BNIP5: variants seen among roughly 807,000 people sequenced by gnomAD.
The protein encoded by BNIP5 is protein BNIP5.
Under a neutral mutation model 67.3 loss-of-function variants are expected in BNIP5, and 61 were observed. The ratio of observed to expected loss-of-function variants is 0.91; its 90% CI spans 0.74 to 1.12. BNIP5 has a LOEUF of 1.12. Among genes scored for constraint, BNIP5 ranks in the 50% most tolerant of loss-of-function variants. The pLI is 0.00. For synonymous variants in BNIP5, 317 were observed against 319.0 expected, an observed-to-expected ratio of 0.99 and a Z score of 0.07; for missense variants, 826 against 816.3, an observed-to-expected ratio of 1.01 and a Z score of -0.14.
chr6:36,324,938 G>C (rs976437396), intron 6 of BNIP5, among the ~76,000 whole-genome samples: 10 of 152,034 alleles, frequency 6.6e-5, no homozygotes, highest in Admixed American at 2.6e-4. Context: ...GAAGTAACTT[G>C]CCCAAGTCCA....
At chr6:36,330,756 G>GTTTGT in intron 1 of BNIP5, 62 bp from the exon 2 acceptor site, 1 of 1,500,772 alleles carries the variant, frequency 6.7e-7, no homozygotes, top group Non-Finnish European at 8.8e-7. Flanking sequence ...TTGTTTGTTT[G>GTTTGT]TTTGTTTTGT....
intron 6 of BNIP5, among the ~76,000 whole-genome samples, chr6:36,324,404 C>T (rs1429202216): frequency 6.6e-6 from 1 of 150,708 alleles, no homozygotes; most frequent in African/African-American, 2.4e-5. Context: ...GGAGGCCCCT[C>T]AGGGCCATCT....
At chr6:36,318,679 C>T (rs939354783) in intron 11 of BNIP5, among the ~76,000 whole-genome samples, 3 of 152,084 alleles carry the variant, frequency 2.0e-5, no homozygotes, top group African/African-American at 7.2e-5. Context: ...ACCGTGATTA[C>T]ACCACTGCAC....
intron 5 of BNIP5, 92 bp downstream of exon 5, chr6:36,326,418 C>A: frequency 1.3e-6 from 2 of 1,516,298 alleles, no homozygotes; most frequent in Admixed American, 2.0e-5. Context: ...AGGCACAACG[C>A]AACCTTTAAA....
In BNIP5 at chr6:36,321,223, AG is replaced by A. The variant is rs1478990192; in HGVS notation, c.1604-5del. 1 of 1,589,736 alleles carries A rather than the reference AG, an allele frequency of 6.3e-7. No homozygotes were observed. Among genetic ancestry groups the A allele is most frequent in the South Asian group, 1.1e-5 (1 of 87,198 alleles). On this transcript the variant is annotated splice_region_variant and splice_polypyrimidine_tract_variant and intron_variant, in intron 9 of 11. Transcript: ENST00000437635. ...AGCTTCTGGATGATGATCTCCTCTA[AG>A]GAAAAGAAAGGAGGATTGAGTGACT... is the stretch of plus-strand genomic sequence containing the variant.
At chr6:36,322,255 A>T (rs1226005111) in intron 9 of BNIP5, 56 bp downstream of exon 9, 24 of 1,607,706 alleles carry the variant, frequency 1.5e-5, no homozygotes, top group Non-Finnish European at 2.0e-5. Flanking sequence ...TGTGAACTCC[A>T]TGTGGAAGAG....
chr6:36,329,993 G>C lies in BNIP5; in HGVS notation c.610+88C>G, dbSNP rs927875798. ...GGTGCCGGCCCCTGACAGCTCCCCC[G>C]ACTATCCCTGTCCCTCTGTGGAGAG... is the stretch of plus-strand genomic sequence containing the variant. On this transcript the variant is annotated intron_variant, in intron 2 of 11. Transcript: ENST00000437635. 1.1e-5 allele frequency: 16 copies of C among 1,437,346 alleles called. No individual in the cohort carries two copies. The South Asian group carries it at 1.9e-4, about 17-fold the overall frequency. 89.0% of individuals were successfully genotyped at this position (1,437,346 alleles called of 1,614,324 possible).
Position 36,330,502 on chromosome 6 carries a change from A to G in BNIP5, c.189T>C (p.Ala63=). ...SDWARHSDSP[A]PSAEAHCTTA... ...TGGTGCAGTGAGCCTCTGCAGATGGAGCTGGGCTGTCTGAATGTCTGGCCC... is the reference window on the plus strand; with the variant it reads ...TGGTGCAGTGAGCCTCTGCAGATGGGGCTGGGCTGTCTGAATGTCTGGCCC... The change falls in exon 2 of 12, where the codon GCT becomes GCC. Residue 63 remains alanine (A), a synonymous_variant. Coordinates refer to ENST00000437635, the MANE Select transcript of BNIP5 (RefSeq NM_001010903.5). The G allele has an allele frequency of 6.2e-7, 1 of 1,613,968 alleles. No individual in the cohort carries two copies. The highest frequency in any genetic ancestry group is 8.5e-7 in the Non-Finnish European group (1 of 1,179,978).
rs765553477 is a variant in BNIP5, at chr6:36,330,290, T to C, written c.401A>G (p.Glu134Gly). 6.2e-7 allele frequency: 1 copy of C among 1,614,138 alleles called. No homozygotes were observed. Among genetic ancestry groups the C allele is most frequent in the Admixed American group, 1.7e-5 (1 of 60,024 alleles). The change falls in exon 2 of 12, where the codon GAG (glutamate) becomes GGG (glycine). Residue 134 changes from glutamate (E) to glycine (G), a missense_variant. Physicochemically the swap from Glu to Gly is moderately conservative, Grantham distance 98. Transcript: ENST00000437635. ...RGKEGISQHP[E>G]PLEAAGEPAL... ...TGGCTCCCCTGCTGCTTCCAGGGGC[T>C]CCGGATGCTGGGAGATACCCTCCTT...
At chr6:36,324,575 T>TA (rs1771715779) in intron 6 of BNIP5, among the ~76,000 whole-genome samples, 1 of 50,818 alleles carries the variant, frequency 2.0e-5, no homozygotes, top group Non-Finnish European at 3.9e-5. Context: ...GACGGTGATA[T>TA]TATATATATA....
chr6:36,336,412 G>T (rs1772017578), intron 1 of BNIP5, among the ~76,000 whole-genome samples: 1 of 152,128 alleles, frequency 6.6e-6, no homozygotes, highest in African/African-American at 2.4e-5. Context: ...CCTTGCTCAG[G>T]GTGGCGGCTA....
Position 36,326,702 on chromosome 6 carries a change from C to T in BNIP5, c.844G>A (p.Val282Ile). Reference protein sequence around the residue: ...GVALPNPAPAVRKKSQEKKTS... With the variant: ...GVALPNPAPAIRKKSQEKKTS... ...TTTTTCTCTTGGGATTTCTTCCTAACAGCTGGTGCTGGGTTTGGCAGGGCC... is the reference window on the plus strand; with the variant it reads ...TTTTTCTCTTGGGATTTCTTCCTAATAGCTGGTGCTGGGTTTGGCAGGGCC... Residue 282 changes from valine (V) to isoleucine (I), a missense_variant, in exon 5 of 12, where the codon GTT becomes ATT. Coordinates refer to ENST00000437635, the MANE Select transcript of BNIP5 (RefSeq NM_001010903.5). 6.2e-7 allele frequency: 1 copy of T among 1,614,222 alleles called. No individual in the cohort carries two copies.
rs150411114 is a variant in BNIP5 at position 36,326,030 on chromosome 6, G to A, written c.1036+480C>T. The stretch of plus-strand genomic sequence containing the variant: ...CCATGTGATGGCTGTGGGGATAATA[G>A]TTGCACTTCATCTGATGGCTGTGAG... On this transcript the variant is annotated intron_variant, in intron 5 of 11. Coordinates refer to ENST00000437635, the MANE Select transcript of BNIP5 (RefSeq NM_001010903.5). Among the ~76,000 whole-genome samples the A allele has an allele frequency of 5.1e-4, 78 of 152,322 alleles. 1 individual carries two copies. Among genetic ancestry groups the A allele is most frequent in the African/African-American group, 1.8e-3 (75 of 41,566 alleles).
intron 1 of BNIP5, among the ~76,000 whole-genome samples, chr6:36,331,464 C>T (rs796441811): frequency 1.2e-4 from 19 of 152,252 alleles, no homozygotes; most frequent in African/African-American, 2.9e-4. Context: ...CGAATACAGC[C>T]GGAGCCAGAG....
rs867985495 is a variant in BNIP5, at chr6:36,326,417, G to A, written c.1036+93C>T. On this transcript the variant is annotated intron_variant, in intron 5 of 11. Transcript: ENST00000437635. ...GTGCAAAAGTCAGACCAGGCACAAC[G>A]CAACCTTTAAAATGGTCAATTCCAT... The A allele has an allele frequency of 1.0e-4, 153 of 1,503,500 alleles. 1 individual carries two copies. In the African/African-American group the frequency reaches 1.6e-3, roughly 16 times the overall value. The allele number at this position is 1,503,500 out of a possible 1,614,324, so 93.1% of individuals were successfully genotyped here.
chr6:36,335,288 C>T (rs73729944), intron 1 of BNIP5, among the ~76,000 whole-genome samples: 5,311 of 152,242 alleles, frequency 0.035, 209 homozygotes, highest in East Asian at 0.13. Context: ...AACTTCGCGG[C>T]TCCCCTTCTC....
At position 36,316,830 on chromosome 6, in the gene BNIP5, T is replaced by C; in HGVS notation, c.*526A>G. ...TTTTTCCATCTTGGGCCTGCAGAGT[T>C]CCTGGGAGGCATCTACAAATCCATA... On this transcript the variant is annotated 3_prime_UTR_variant, in exon 12 of 12. Coordinates refer to ENST00000437635, the MANE Select transcript of BNIP5 (RefSeq NM_001010903.5). 1.0e-5 allele frequency: 4 copies of C among 400,358 alleles called. No homozygotes were observed. The highest frequency in any genetic ancestry group is 1.8e-5 in the Non-Finnish European group (4 of 227,258). 24.8% of individuals were successfully genotyped at this position (400,358 alleles called of 1,614,324 possible).
Position 36,323,372 on chromosome 6 carries a change from T to C in BNIP5, c.1392A>G (p.Pro464=), listed in dbSNP as rs1771679686. 6.2e-7 allele frequency: 1 copy of C among 1,614,276 alleles called. No individual in the cohort carries two copies. The highest frequency in any genetic ancestry group is 1.1e-5 in the South Asian group (1 of 91,092). ...TGGGCCTCTTGGGTCGTCGGGCCTC[T>C]GGGCTGGCAGCCCCTGCTGCCCCCG... is the stretch of plus-strand genomic sequence containing the variant. ...RRAGAAGAAS[P]EARRPKRPSF... Residue 464 remains proline, a synonymous_variant, in exon 8 of 12, where the codon CCA becomes CCG. Transcript: ENST00000437635.
In BNIP5 at chr6:36,319,596, G is replaced by T. The variant is rs1197110427; in HGVS notation, c.1683C>A (p.Pro561=). ...GQLGQQIRRH[P]SFKRFFYEFS... Reference sequence around the variant, plus strand: ...ACTCGTAAAAAAACCTCTTAAAGCTGGGGTGGCGCCTGATCTGGAAGTGGA... The same window carrying T: ...ACTCGTAAAAAAACCTCTTAAAGCTTGGGTGGCGCCTGATCTGGAAGTGGA... Residue 561 remains proline, a synonymous_variant, in exon 11 of 12, where the codon CCC becomes CCA. Coordinates refer to ENST00000437635, the MANE Select transcript of BNIP5 (RefSeq NM_001010903.5). The T allele has an allele frequency of 1.7e-5, 28 of 1,611,568 alleles. No homozygotes were observed. Among genetic ancestry groups the T allele is most frequent in the Non-Finnish European group, 2.4e-5 (28 of 1,178,016 alleles).
Sources: allele counts gnomAD v4.1 joint callset (sites outside exome capture counted in the v4.1 genomes callset), GRCh38; gene constraint gnomAD v4.1.1; transcripts MANE v1.5; gene names NCBI Gene and HGNC (gene_info 2026-07-23, HGNC 2026-07-21).